RGS8: variants seen among roughly 807,000 people sequenced by gnomAD.
The protein encoded by RGS8 is regulator of G protein signaling 8.
In RGS8, 8 loss-of-function variants were observed where a neutral mutation model predicts 21.7. The observed-to-expected ratio is 0.37, with a 90% CI of 0.22 to 0.66. The LOEUF is 0.66. Among genes scored for constraint, RGS8 ranks in the 30% least tolerant of loss-of-function variants. The pLI is 0.59. For synonymous variants in RGS8, 80 were observed against 83.6 expected (o/e 0.96, Z 0.24); for missense variants, 157 against 217.9 (o/e 0.72, Z 1.76).
chr1:182,718,480 TCCTGAAGCAG>T, the RGS8 span, among the ~76,000 whole-genome samples: 1 of 152,216 alleles, frequency 6.6e-6, no homozygotes, highest in African/African-American at 2.4e-5. Flanking sequence ...GCATCGCACT[TCCTGAAGCAG>T]CCAGGCAGAT....
At chr1:182,735,298 C>T in the RGS8 span, among the ~76,000 whole-genome samples, 8 of 151,836 alleles carry the variant, frequency 5.3e-5, no homozygotes, top group Non-Finnish European at 8.8e-5. Context: ...TTATAATCAA[C>T]GATAACTAAG....
upstream of RGS8, chr1:182,672,900 G>A: frequency 2.3e-5 from 37 of 1,583,854 alleles, no homozygotes; most frequent in Non-Finnish European, 3.1e-5. Flanking sequence ...GGTTCTCCAA[G>A]CGTGGTCCCT....
the RGS8 span, among the ~76,000 whole-genome samples, chr1:182,710,536 C>T: frequency 3.3e-5 from 5 of 152,148 alleles, no homozygotes; most frequent in South Asian, 1.0e-3. Context: ...TGTGTTCAGC[C>T]ATCCCCATAA....
the RGS8 span, among the ~76,000 whole-genome samples, chr1:182,697,647 CAG>C: frequency 3.3e-5 from 5 of 152,160 alleles, no homozygotes; most frequent in Non-Finnish European, 7.4e-5. Flanking sequence ...TATTGAAAGA[CAG>C]AAATAAAATA....
chr1:182,659,139 T>C (rs1370574247), intron 5 of RGS8, among the ~76,000 whole-genome samples: 1 of 152,196 alleles, frequency 6.6e-6, no homozygotes, highest in African/African-American at 2.4e-5. Context: ...AATGGTGAGC[T>C]CTGAGGTTGC....
the RGS8 span, among the ~76,000 whole-genome samples, chr1:182,743,406 T>A: frequency 6.6e-6 from 1 of 151,946 alleles, no homozygotes; most frequent in Non-Finnish European, 1.5e-5. Flanking sequence ...CCAAGCAAAC[T>A]AACAGCAACT....
chr1:182,739,866 A>T, the RGS8 span, among the ~76,000 whole-genome samples: 1 of 152,154 alleles, frequency 6.6e-6, no homozygotes, highest in East Asian at 1.9e-4. Flanking sequence ...CCAGAATCTA[A>T]GCAGGGAAGG....
At chr1:182,747,043 C>CTTTTTTTTT in the RGS8 span, among the ~76,000 whole-genome samples, 174 of 21,048 alleles carry the variant, frequency 8.3e-3, 69 homozygotes, top group East Asian at 0.018. Context: ...CACTGCTGGT[C>CTTTTTTTTT]TTTTTTTTTT....
chr1:182,666,230 C>G (rs540562869), intron 4 of RGS8, among the ~76,000 whole-genome samples, 197 bp from the exon 6 acceptor site: 17 of 152,224 alleles, frequency 1.1e-4, no homozygotes, highest in African/African-American at 3.4e-4. Context: ...GAAAAAAAAC[C>G]TCAAGACTGA....
At chr1:182,689,305 ACC>A (rs750533434), upstream of RGS8, among the ~76,000 whole-genome samples, 1 of 130,572 alleles carries the variant, frequency 7.7e-6, no homozygotes, top group African/African-American at 2.8e-5. Flanking sequence ...ACACACACAC[ACC>A]CCACAAGTGA....
At chr1:182,740,813 T>G in the RGS8 span, among the ~76,000 whole-genome samples, 1 of 151,986 alleles carries the variant, frequency 6.6e-6, no homozygotes, top group East Asian at 1.9e-4. Context: ...TGCACCACCC[T>G]TAATCCATTC....
At chr1:182,741,912 G>T in the RGS8 span, among the ~76,000 whole-genome samples, 2 of 145,678 alleles carry the variant, frequency 1.4e-5, no homozygotes, top group Admixed American at 1.3e-4. Flanking sequence ...GGAGGAGGTG[G>T]CTGCCGGGCG....
the RGS8 span, among the ~76,000 whole-genome samples, chr1:182,693,668 C>T: frequency 3.3e-5 from 5 of 152,180 alleles, no homozygotes; most frequent in Admixed American, 6.5e-5. Context: ...GACACATGCA[C>T]ATGTGTGTTC....
downstream of RGS8, chr1:182,643,092 C>G (rs1225102312): frequency 6.6e-6 from 1 of 152,286 alleles, no homozygotes; most frequent in Non-Finnish European, 1.5e-5. Context: ...GAGCGTCTTT[C>G]GATCAAGGGT....
the RGS8 span, among the ~76,000 whole-genome samples, chr1:182,690,856 C>T: frequency 3.3e-5 from 5 of 152,246 alleles, no homozygotes; most frequent in South Asian, 8.3e-4. Context: ...CTTGCTTTGG[C>T]CTACAGGACA....
chr1:182,741,969 C>G, the RGS8 span, among the ~76,000 whole-genome samples: 1 of 146,824 alleles, frequency 6.8e-6, no homozygotes, highest in East Asian at 2.1e-4. Context: ...GGCGGAGGGG[C>G]TCCTCACTTC....
At chr1:182,665,997 A>G (rs1169335552) in exon 5 of RGS8, 1 of 1,613,918 alleles carries the variant, frequency 6.2e-7, no homozygotes, top group African/African-American at 1.3e-5. Flanking sequence ...CATCAAAGGA[A>G]TCTGCCCACC....
At chr1:182,671,864 C>A in exon 1 of RGS8, 1 of 1,520,480 alleles carries the variant, frequency 6.6e-7, no homozygotes, top group Non-Finnish European at 8.8e-7. Flanking sequence ...ACCACTTGAG[C>A]CAGGCAGCAA....
chr1:182,716,125 G>GTTTTTT, the RGS8 span, among the ~76,000 whole-genome samples: 1 of 147,550 alleles, frequency 6.8e-6, no homozygotes, highest in Non-Finnish European at 1.5e-5. Flanking sequence ...ACTGTTTTTT[G>GTTTTTT]GTTTTTTTTT....
Sources: allele counts gnomAD v4.1 joint callset (sites outside exome capture counted in the v4.1 genomes callset), GRCh38; gene constraint gnomAD v4.1.1; transcripts MANE v1.5; gene names NCBI Gene and HGNC (gene_info 2026-07-23, HGNC 2026-07-21).